OGA: variants seen among roughly 807,000 people sequenced by gnomAD.
OGA encodes O-GlcNAcase, also known as protein O-GlcNAcase.
A neutral mutation model predicts 102.0 loss-of-function variants in OGA; 21 were observed. That is an observed-to-expected ratio of 0.21 (90% CI 0.15 to 0.30). The LOEUF (loss-of-function observed/expected upper bound fraction) is 0.30. Ranked by LOEUF, OGA falls within the 10% of genes least tolerant of loss-of-function variation. The pLI is 1.00. For synonymous variants in OGA, 408 were observed against 378.2 expected (o/e 1.08, Z -0.91); for missense variants, 765 against 1,107.8 (o/e 0.69, Z 4.39).
chr10:101,786,307 G>T lies in OGA; in HGVS notation c.*144C>A, dbSNP rs771620933. The T allele has an allele frequency of 1.3e-6, 1 of 761,656 alleles. No homozygotes were observed. 47.2% of individuals were successfully genotyped at this position (761,656 alleles called of 1,614,324 possible). On this transcript the variant is annotated 3_prime_UTR_variant, in exon 16 of 16. Coordinates refer to ENST00000361464, the MANE Select transcript of OGA (RefSeq NM_012215.5). ...CAGTGAGTAGTCTCAAAGTGTGATG[G>T]GTGAGTTTTACATAGTCTTCTTTGT...
chr10:101,798,107 T>C lies in OGA; in HGVS notation c.1857A>G (p.Gly619=), dbSNP rs1468859922. ...GCCGAGTGAACATTCCCATCACTAGTCCACACATCTCTTCAAACTTGGCTG... is the reference window on the plus strand; with the variant it reads ...GCCGAGTGAACATTCCCATCACTAGCCCACACATCTCTTCAAACTTGGCTG... ...SRAAKFEEMC[G]LVMGMFTRLS... is the part of the protein sequence containing the mutation. The change falls in exon 10 of 16, where the codon GGA becomes GGG. Residue 619 remains glycine (G), a synonymous_variant. Transcript: ENST00000361464. 6.2e-7 allele frequency: 1 copy of C among 1,614,126 alleles called. No individual in the cohort carries two copies. Among genetic ancestry groups the C allele is most frequent in the Non-Finnish European group, 8.5e-7 (1 of 1,180,034 alleles).
At chr10:101,815,988 A>AAAAAAAAC (rs1173460489) in intron 1 of OGA, among the ~76,000 whole-genome samples, 1 of 150,188 alleles carries the variant, frequency 6.7e-6, no homozygotes. Flanking sequence ...AAAAAAAAAA[A>AAAAAAAAC]AAGCCAGGCG....
At chr10:101,805,655 C>CAAAA (rs976862193) in intron 6 of OGA, among the ~76,000 whole-genome samples, 13 of 80,746 alleles carry the variant, frequency 1.6e-4, no homozygotes, top group African/African-American at 6.4e-4. Context: ...TGCTCTGTCT[C>CAAAA]AAAAAAAAAA....
chr10:101,797,921 TA>T (rs749145581), intron 10 of OGA, 58 bp downstream of exon 10: 2 of 1,521,072 alleles, frequency 1.3e-6, no homozygotes, highest in South Asian at 1.1e-5. Context: ...CCCTGTGGGA[TA>T]ATTTTTTTTA....
intron 13 of OGA, 75 bp downstream of exon 13, chr10:101,791,279 A>G: frequency 7.7e-7 from 1 of 1,295,966 alleles, no homozygotes. Flanking sequence ...ATATATTTCC[A>G]GTCATCACCT....
intron 11 of OGA, among the ~76,000 whole-genome samples, chr10:101,793,158 G>C (rs1302448038): frequency 6.6e-6 from 1 of 152,144 alleles, no homozygotes; most frequent in Non-Finnish European, 1.5e-5. Flanking sequence ...TACAGCTTTA[G>C]TGGCATATTA....
At chr10:101,813,373 C>T (rs2065582770) in intron 2 of OGA, among the ~76,000 whole-genome samples, 182 bp downstream of exon 2, 2 of 152,048 alleles carry the variant, frequency 1.3e-5, no homozygotes, top group Admixed American at 6.6e-5. Context: ...TATTCAGCTC[C>T]CCAGGAAAAG....
chr10:101,791,736 G>A (rs1317185224), intron 12 of OGA, among the ~76,000 whole-genome samples: 4 of 152,068 alleles, frequency 2.6e-5, no homozygotes, highest in East Asian at 1.9e-4. Flanking sequence ...GTGCAATCTC[G>A]GCTCACTGCA....
chr10:101,813,582 A>G lies in OGA; in HGVS notation c.224T>C (p.Met75Thr), dbSNP rs2065585046. 1 of 1,560,972 alleles carries G rather than the reference A, an allele frequency of 6.4e-7. No homozygotes were observed. The highest frequency in any genetic ancestry group is 1.1e-5 in the South Asian group (1 of 87,562). The change falls in exon 2 of 16, where the codon ATG becomes ACG. Residue 75 changes from methionine to threonine, a missense_variant. Met to Thr is a moderately conservative substitution (Grantham distance 81, BLOSUM62 -1). Around this residue, in one of 7 missense-constraint regions of OGA, gnomAD observed 165 missense variants for 249.7 expected, o/e 0.66. Transcript: ENST00000361464. Reference sequence around the variant, plus strand: ...TCTAAAGAGTTCTTTTCTCTGTTCCATAACCCAAGGTCTTCCATAAAATCC... The same window carrying G: ...TCTAAAGAGTTCTTTTCTCTGTTCCGTAACCCAAGGTCTTCCATAAAATCC... Reference protein sequence around the residue: ...VEGFYGRPWVMEQRKELFRRL... With the variant: ...VEGFYGRPWVTEQRKELFRRL...
Position 101,791,363 on chromosome 10 carries a change from A to G in OGA, c.2252T>C (p.Ile751Thr), listed in dbSNP as rs1202111818. Residue 751 changes from isoleucine (I) to threonine (T), a missense_variant, in exon 13 of 16, where the codon ATT becomes ACT. Ile to Thr is a moderately conservative substitution (Grantham distance 89). This residue lies in a region of OGA where 146 missense variants were observed against 269.7 expected (regional missense o/e 0.54). Coordinates refer to ENST00000361464, the MANE Select transcript of OGA (RefSeq NM_012215.5). Reference protein sequence around the residue: ...GLPFQSQPDLIGDKLVGGLLS... With the variant: ...GLPFQSQPDLTGDKLVGGLLS... ...AATACTTATCACATACTTGTCTCCAATAAGATCAGGCTGACTTTGAAAGGG... is the reference window on the plus strand; with the variant it reads ...AATACTTATCACATACTTGTCTCCAGTAAGATCAGGCTGACTTTGAAAGGG... 1 of 1,613,012 alleles carries G rather than the reference A, an allele frequency of 6.2e-7. No homozygotes were observed. Among genetic ancestry groups the G allele is most frequent in the Non-Finnish European group, 8.5e-7 (1 of 1,178,992 alleles).
Position 101,818,244 on chromosome 10 carries a change from G to C in OGA, c.-222C>G. On this transcript the variant is annotated 5_prime_UTR_variant, in exon 1 of 16. Transcript: ENST00000361464. ...GAGCCCTTTGTCAGCCGCAGCCTCG[G>C]CTTTAAGCTGGGGCGCCAGAAGCCT... 1.5e-6 allele frequency: 2 copies of C among 1,327,882 alleles called. No individual in the cohort carries two copies. Among genetic ancestry groups the C allele is most frequent in the Non-Finnish European group, 1.9e-6 (2 of 1,041,892 alleles). 82.3% of individuals were successfully genotyped at this position (1,327,882 alleles called of 1,614,324 possible). A position where few individuals can be genotyped will look rare whatever the true frequency, so the allele number is the denominator to read the frequency against.
At chr10:101,788,628 G>A (rs934814621) in intron 14 of OGA, among the ~76,000 whole-genome samples, 2 of 151,686 alleles carry the variant, frequency 1.3e-5, no homozygotes, top group African/African-American at 2.4e-5. Context: ...CCGACTACTC[G>A]GGAGGCTGAG....
At position 101,813,035 on chromosome 10, in the gene OGA, T is replaced by C; in HGVS notation, c.344A>G (p.Glu115Gly). 1 of 1,602,218 alleles carries C rather than the reference T, an allele frequency of 6.2e-7. No individual in the cohort carries two copies. Among genetic ancestry groups the C allele is most frequent in the South Asian group, 1.1e-5 (1 of 89,458 alleles). Residue 115 changes from glutamate (E) to glycine (G), a missense_variant, in exon 3 of 16, where the codon GAA becomes GGA. Around this residue, in one of 7 missense-constraint regions of OGA, gnomAD observed 165 missense variants for 249.7 expected, o/e 0.66. Transcript: ENST00000361464. ...MFWREMYSVE[E>G]AEQLMTLISA... Reference sequence around the variant, plus strand: ...GATAAAAAGAAAAAGATTACCAGCTTCCTCCACTGAATACATCTCTCGCCA... The same window carrying C: ...GATAAAAAGAAAAAGATTACCAGCTCCCTCCACTGAATACATCTCTCGCCA...
At chr10:101,787,759 G>GCTCTCTCTCTCTCT in intron 14 of OGA, 1 of 372,858 alleles carries the variant, frequency 2.7e-6, no homozygotes, top group South Asian at 3.7e-5. Flanking sequence ...GCGTGCACGC[G>GCTCTCTCTCTCTCT]CTCTCTCTCT....
chr10:101,805,646 GCT>G (rs1390105215), intron 6 of OGA, among the ~76,000 whole-genome samples: 1 of 125,214 alleles, frequency 8.0e-6, no homozygotes, highest in Non-Finnish European at 1.6e-5. Context: ...CAAGAGCAAT[GCT>G]CTGTCTCAAA....
chr10:101,799,840 C>T (rs992629129), intron 8 of OGA, among the ~76,000 whole-genome samples: 1 of 152,172 alleles, frequency 6.6e-6, no homozygotes, highest in Non-Finnish European at 1.5e-5. Flanking sequence ...CATTTAATTT[C>T]ACTTTGCTTA....
intron 7 of OGA, among the ~76,000 whole-genome samples, chr10:101,802,138 C>G (rs2065401143): frequency 6.6e-6 from 1 of 151,262 alleles, no homozygotes; most frequent in African/African-American, 2.4e-5. Flanking sequence ...GAGCGAGGCT[C>G]TGTCTCAAAG....
At position 101,818,396 on chromosome 10, in the gene OGA, G is replaced by T; in HGVS notation, c.-374C>A. On this transcript the variant is annotated 5_prime_UTR_variant, in exon 1 of 16. Transcript: ENST00000361464. ...TTCCGCTGTTTCCCCTCCAAGCCCC[G>T]AGCTCTCCCTCTGCTGCTGCCTCCA... 1.9e-6 allele frequency: 2 copies of T among 1,029,046 alleles called. No individual in the cohort carries two copies. The highest frequency in any genetic ancestry group is 1.2e-6 in the Non-Finnish European group (1 of 857,390). The allele number at this position is 1,029,046 out of a possible 1,614,324, so 63.7% of individuals were successfully genotyped here.
In OGA at chr10:101,799,199, C is replaced by G; in HGVS notation, c.1452G>C (p.Leu484=). 1 of 1,614,218 alleles carries G rather than the reference C, an allele frequency of 6.2e-7. No homozygotes were observed. Residue 484 remains leucine, a synonymous_variant, in exon 9 of 16, where the codon CTG becomes CTC. Transcript: ENST00000361464. ...ETDHKNDNQI[L]SEIVEAKMAE... ...CCATTTTCGCTTCAACAATTTCACTCAGTATTTGATTGTCATTCTTGTGGT... is the reference window on the plus strand; with the variant it reads ...CCATTTTCGCTTCAACAATTTCACTGAGTATTTGATTGTCATTCTTGTGGT...
Sources: allele counts gnomAD v4.1 joint callset (sites outside exome capture counted in the v4.1 genomes callset), GRCh38; gene constraint gnomAD v4.1.1; regional missense constraint gnomAD v4.1.1; transcripts MANE v1.5; gene names NCBI Gene and HGNC (gene_info 2026-07-23, HGNC 2026-07-21).